The following MYH11 variants were observed in gnomAD, a reference collection of about 807,000 sequenced individuals.
MYH11 encodes myosin-11.
MYH11 carries 80 observed loss-of-function variants against 246.6 expected under a neutral mutation model. The observed-to-expected ratio is 0.32, with a 90% CI of 0.27 to 0.39. MYH11 has a LOEUF of 0.39. Ranked by LOEUF, MYH11 falls within the 10% of genes least tolerant of loss-of-function variation. The probability of loss-of-function intolerance (pLI) is 1.00; values close to 1 mark genes in which losing one functional copy is unlikely to be tolerated. For missense variants in MYH11, 2,158 were observed against 2,546.8 expected (o/e 0.85, Z 3.29); for synonymous variants, 1,071 against 1,015.5 (o/e 1.05, Z -1.04).
At chr16:15,785,858 T>C (rs1053286629) in intron 5 of MYH11, 1 of 156,904 alleles carries the variant, frequency 6.4e-6, no homozygotes, top group Non-Finnish European at 1.4e-5. Flanking sequence ...TCATCATCTG[T>C]TTATTTGAGG....
chr16:15,742,298 G>A (rs547727080), intron 20 of MYH11: 8 of 254,862 alleles, frequency 3.1e-5, no homozygotes, highest in South Asian at 1.1e-4. Flanking sequence ...AGGACAAAAG[G>A]GAGAAAAAAA....
In MYH11 at chr16:15,741,552, G is replaced by A. The variant is rs1168993246; in HGVS notation, c.2770C>T (p.Leu924=). ...TCCAGGCGGGCCTCCATCTCATGCA[G>A]TATCTCCTCCAGCTCCTGCTTCTTG... ...AAKKQELEEI[L]HEMEARLEEE... The change falls in exon 22 of 41, where the codon CTG becomes TTG. Residue 924 remains leucine, a synonymous_variant. Coordinates refer to ENST00000300036, the MANE Select transcript of MYH11 (RefSeq NM_002474.3). The A allele has an allele frequency of 6.2e-7, 1 of 1,610,962 alleles. No individual in the cohort carries two copies. The highest frequency in any genetic ancestry group is 8.5e-7 in the Non-Finnish European group (1 of 1,180,012).
chr16:15,727,160 AG>A (rs1356283838), intron 27 of MYH11, 106 bp from the exon 28 acceptor site: 3 of 953,088 alleles, frequency 3.1e-6, no homozygotes, highest in Non-Finnish European at 1.7e-6. Flanking sequence ...GGCACACAAC[AG>A]GGGGCACACA....
chr16:15,726,693 A>C, intron 28 of MYH11, 155 bp downstream of exon 28: 1 of 876,326 alleles, frequency 1.1e-6, no homozygotes, highest in Admixed American at 2.0e-5. Context: ...TATTTAATTG[A>C]ACAGGGAGAT....
chr16:15,779,207 G>T, intron 6 of MYH11: 1 of 375,310 alleles, frequency 2.7e-6, no homozygotes, highest in South Asian at 2.3e-5. Context: ...ACAGCTCACT[G>T]TAACCTTGAA....
intron 8 of MYH11, among the ~76,000 whole-genome samples, chr16:15,774,111 A>G (rs1320147673): frequency 2.0e-5 from 3 of 152,206 alleles, no homozygotes; most frequent in Non-Finnish European, 2.9e-5. Flanking sequence ...CTGCTTGATA[A>G]ACTCGAGGTT....
intron 8 of MYH11, 85 bp downstream of exon 8, chr16:15,775,992 GT>G (rs1428762242): frequency 2.0e-6 from 2 of 1,003,392 alleles, no homozygotes; most frequent in African/African-American, 3.2e-5. Context: ...ATCTGAGACT[GT>G]TTTAATAGCC....
Position 15,704,073 on chromosome 16 carries a change from C to T in MYH11, c.5837G>A (p.Arg1946Lys). 1.9e-6 allele frequency: 3 copies of T among 1,614,122 alleles called. No individual in the cohort carries two copies. Among genetic ancestry groups the T allele is most frequent in the East Asian group, 2.2e-5 (1 of 44,884 alleles). Residue 1946 changes from arginine (R) to lysine (K), a missense_variant, in exon 41 of 41, where the codon AGA becomes AAA. Around this residue, in one of 11 missense-constraint regions of MYH11, gnomAD observed 1,013 missense variants for 993.5 expected, o/e 1.02. Coordinates refer to ENST00000300036, the MANE Select transcript of MYH11 (RefSeq NM_002474.3). Reference sequence around the variant, plus strand: ...AGAACCATCTGCATTTTCAATAACTCTACGTCCTCCAGACCTTCTAGAAGG... The same window carrying T: ...AGAACCATCTGCATTTTCAATAACTTTACGTCCTCCAGACCTTCTAGAAGG... ...FVPSRRSGGR[R>K]VIENADGSEE... is the part of the protein sequence containing the mutation.
intron 28 of MYH11, chr16:15,725,825 T>C: frequency 2.5e-6 from 1 of 397,486 alleles, no homozygotes; most frequent in Non-Finnish European, 4.4e-6. Context: ...AAAGACCATG[T>C]CATTCAGCAG....
rs1159002197 is a variant in MYH11, at chr16:15,703,723, G to A, written c.*268C>T. ...CCTGGCTCAGCCTCCCTAGTAGCTG[G>A]GACCACAGGTGTGTACCACCACGCC... is the stretch of plus-strand genomic sequence containing the variant. On this transcript the variant is annotated 3_prime_UTR_variant, in exon 41 of 41. Coordinates refer to ENST00000300036, the MANE Select transcript of MYH11 (RefSeq NM_002474.3). The A allele has an allele frequency of 2.1e-6, 1 of 479,432 alleles. No homozygotes were observed. The highest frequency in any genetic ancestry group is 2.1e-5 in the South Asian group (1 of 48,668). The allele number at this position is 479,432 out of a possible 1,614,324, so 29.7% of individuals were successfully genotyped here. A position where few individuals can be genotyped will look rare whatever the true frequency, so the allele number is the denominator to read the frequency against.
chr16:15,744,669 A>G (rs1042115935), intron 20 of MYH11, among the ~76,000 whole-genome samples: 11 of 151,232 alleles, frequency 7.3e-5, no homozygotes, highest in African/African-American at 2.7e-4. Flanking sequence ...TACCCAGCTA[A>G]TTTTTGTATT....
chr16:15,721,374 G>C (rs759853550), intron 32 of MYH11, 48 bp downstream of exon 32: 8 of 1,583,422 alleles, frequency 5.1e-6, no homozygotes, highest in Non-Finnish European at 6.9e-6. Context: ...TAGCACAGAG[G>C]GTGGGCAGGC....
intron 6 of MYH11, among the ~76,000 whole-genome samples, chr16:15,782,077 C>T (rs766073176): frequency 2.0e-5 from 3 of 152,088 alleles, no homozygotes; most frequent in South Asian, 2.1e-4. Flanking sequence ...GATGGGATCT[C>T]GCTTTGTTGC....
intron 36 of MYH11, 70 bp downstream of exon 36, chr16:15,719,149 TG>T: frequency 2.1e-6 from 3 of 1,456,464 alleles, no homozygotes; most frequent in East Asian, 4.5e-5. Flanking sequence ...AAAAATAAAA[TG>T]GGGGTCGAGG....
chr16:15,781,526 T>A (rs2042353542), intron 6 of MYH11, among the ~76,000 whole-genome samples: 1 of 152,214 alleles, frequency 6.6e-6, no homozygotes, highest in African/African-American at 2.4e-5. Context: ...TTTTCCTTCA[T>A]CTTTTCTCAC....
intron 31 of MYH11, among the ~76,000 whole-genome samples, chr16:15,723,522 C>CT (rs1567698519): frequency 6.6e-6 from 1 of 152,166 alleles, no homozygotes; most frequent in Non-Finnish European, 1.5e-5. Flanking sequence ...TGGTGTGCTC[C>CT]TATAATCCCG....
At chr16:15,704,157 A>G in intron 40 of MYH11, 34 bp from the exon 41 acceptor site, 1 of 1,612,820 alleles carries the variant, frequency 6.2e-7, no homozygotes. Flanking sequence ...TATTTAGCAA[A>G]GAAATCTTCA....
chr16:15,815,620 A>C (rs2043244999), intron 3 of MYH11, among the ~76,000 whole-genome samples: 1 of 152,204 alleles, frequency 6.6e-6, no homozygotes, highest in South Asian at 2.1e-4. Context: ...GCATCAATGA[A>C]ATAATTTGCA....
At chr16:15,827,062 C>T (rs913812121) in intron 2 of MYH11, among the ~76,000 whole-genome samples, 6 of 151,016 alleles carry the variant, frequency 4.0e-5, no homozygotes, top group African/African-American at 9.8e-5. Flanking sequence ...TCACCATCCC[C>T]TAAAAGGAGA....
Sources: gnomAD v4.1 joint callset for allele counts (sites outside exome capture counted in the v4.1 genomes callset) on GRCh38, gnomAD v4.1.1 for gene constraint, gnomAD v4.1.1 regional missense constraint, MANE v1.5 for transcripts, NCBI Gene and HGNC (gene_info 2026-07-23, HGNC 2026-07-21) for gene names.